The following EP300 variants were observed in gnomAD, a reference collection of about 807,000 sequenced individuals.
The protein encoded by EP300 is histone acetyltransferase p300.
Under a neutral mutation model 264.0 loss-of-function variants are expected in EP300, and 31 were observed. That is an observed-to-expected ratio of 0.12 (90% CI 0.09 to 0.16). The LOEUF (loss-of-function observed/expected upper bound fraction) is 0.16, where lower values mean the gene tolerates loss of function less well. Ranked by LOEUF, EP300 falls within the 10% of genes least tolerant of loss-of-function variation. EP300 has a pLI of 1.00. For missense variants in EP300, 2,766 were observed against 3,052.9 expected (o/e 0.91, Z 2.21); for synonymous variants, 1,340 against 1,045.4 (o/e 1.28, Z -5.44).
At chr22:41,149,699 A>G (rs150684594) in intron 13 of EP300, 62 bp from the exon 14 acceptor site, 250 of 1,518,890 alleles carry the variant, frequency 1.6e-4, no homozygotes, top group Non-Finnish European at 2.1e-4. Context: ...TATCATGCCT[A>G]TGTAAGTATT....
chr22:41,178,987 A>C lies in EP300; in HGVS notation c.*31A>C, dbSNP rs938259978. 1 of 1,611,452 alleles carries C rather than the reference A, an allele frequency of 6.2e-7. No homozygotes were observed. ...CCTTGTAGTATTTTGGGAGCAAAAA[A>C]ATTATTTTCTCTTAACAAGACTTTT... On this transcript the variant is annotated 3_prime_UTR_variant, in exon 31 of 31. Coordinates refer to ENST00000263253, the MANE Select transcript of EP300 (RefSeq NM_001429.4).
At chr22:41,145,054 A>G (rs2059003130) in intron 10 of EP300, among the ~76,000 whole-genome samples, 1 of 152,138 alleles carries the variant, frequency 6.6e-6, no homozygotes, top group Non-Finnish European at 1.5e-5. Flanking sequence ...AAACAGTTTT[A>G]CTTGGTATTA....
At position 41,168,444 on chromosome 22, in the gene EP300, C is replaced by T; in HGVS notation, c.3875-5C>T. 6.2e-7 allele frequency: 1 copy of T among 1,614,046 alleles called. No individual in the cohort carries two copies. Among genetic ancestry groups the T allele is most frequent in the Non-Finnish European group, 8.5e-7 (1 of 1,179,990 alleles). On this transcript the variant is annotated splice_polypyrimidine_tract_variant and splice_region_variant and intron_variant, in intron 23 of 30. Transcript: ENST00000263253. ...CTCAGTAACTTTTAACTTTTACATT[C>T]CTAGGGTTGCCATCTACCAGACTTG...
intron 1 of EP300, among the ~76,000 whole-genome samples, chr22:41,105,273 C>T (rs2058752653): frequency 6.8e-6 from 1 of 146,616 alleles, no homozygotes; most frequent in Non-Finnish European, 1.5e-5. Context: ...GAGGCTGAGG[C>T]AAGGGAATCT....
At chr22:41,129,232 C>G (rs1384046841) in intron 4 of EP300, among the ~76,000 whole-genome samples, 4 of 152,002 alleles carry the variant, frequency 2.6e-5, no homozygotes, top group Admixed American at 2.0e-4. Flanking sequence ...AGGATGGTCT[C>G]TATCTCCTGA....
chr22:41,097,525 AAG>A (rs1224684311), intron 1 of EP300, among the ~76,000 whole-genome samples: 2 of 152,230 alleles, frequency 1.3e-5, no homozygotes, highest in African/African-American at 2.4e-5. Flanking sequence ...GTAAATAGGA[AAG>A]AGAAAAAGAG....
At chr22:41,137,856 TG>T in intron 8 of EP300, 66 bp downstream of exon 8, 1 of 1,608,174 alleles carries the variant, frequency 6.2e-7, no homozygotes, top group Non-Finnish European at 8.5e-7. Context: ...TTCAATCTCC[TG>T]GGCATTTAAT....
intron 2 of EP300, among the ~76,000 whole-genome samples, chr22:41,120,809 C>T (rs1421005123): frequency 2.6e-5 from 4 of 152,192 alleles, no homozygotes; most frequent in Admixed American, 6.5e-5. Flanking sequence ...GCCTTGATCT[C>T]CCAGGCTTAC....
At chr22:41,160,910 T>C (rs745986611) in intron 20 of EP300, among the ~76,000 whole-genome samples, 188 bp downstream of exon 20, 11 of 152,258 alleles carry the variant, frequency 7.2e-5, no homozygotes, top group Non-Finnish European at 1.6e-4. Context: ...TTTCAACTGT[T>C]CAGTAGCTAT....
chr22:41,131,548 G>A lies in EP300; in HGVS notation c.1443G>A (p.Pro481=), dbSNP rs374768898. 9.3e-5 allele frequency: 150 copies of A among 1,613,970 alleles called. 4 individuals carry two copies. The East Asian group carries it at 1.3e-3, about 14-fold the overall frequency. Residue 481 remains proline (P), a synonymous_variant, in exon 6 of 31, where the codon CCG becomes CCA. Coordinates refer to ENST00000263253, the MANE Select transcript of EP300 (RefSeq NM_001429.4). ...TACCCTATCAAGTAAATCAGATGCC[G>A]ACACAACCCCAGGTGCAAGCAAAGA... The part of the protein sequence containing the change: ...LGLPYQVNQM[P]TQPQVQAKNQ...
chr22:41,151,329 G>C (rs2059043749), intron 14 of EP300, among the ~76,000 whole-genome samples: 1 of 152,108 alleles, frequency 6.6e-6, no homozygotes, highest in African/African-American at 2.4e-5. Flanking sequence ...CTCATTAAGA[G>C]ATTTCTTATG....
rs558456063 is a variant in EP300, at chr22:41,178,729, G to A, written c.7018G>A (p.Val2340Ile). ...GCAGCCTCAGCCTTCTCCACACCACGTTTCCCCACAGACAAGTTCCCCACA... is the reference window on the plus strand; with the variant it reads ...GCAGCCTCAGCCTTCTCCACACCACATTTCCCCACAGACAAGTTCCCCACA... The part of the protein sequence containing the change: ...RMQPQPSPHH[V>I]SPQTSSPHPG... Residue 2340 changes from valine to isoleucine, a missense_variant, in exon 31 of 31, where the codon GTT (valine) becomes ATT (isoleucine). Val to Ile is a conservative substitution (Grantham distance 29). Transcript: ENST00000263253. 1.1e-5 allele frequency: 18 copies of A among 1,613,960 alleles called. No individual in the cohort carries two copies. The African/African-American group carries it at 1.2e-4, about 11-fold the overall frequency.
In EP300 at chr22:41,104,296, G is replaced by T. The variant is rs569714203; in HGVS notation, c.94+11198G>T. Among the ~76,000 whole-genome samples the T allele has an allele frequency of 8.7e-4, 128 of 146,456 alleles. No homozygotes were observed. In the Middle Eastern group the frequency reaches 0.01, roughly 12 times the overall value. On this transcript the variant is annotated intron_variant, in intron 1 of 30. Transcript: ENST00000263253. ...GTGTCTTCATCATGTAGTTTTTTTG[G>T]TTTTTTTTTTTCATACAGAGTCTTG...
intron 27 of EP300, among the ~76,000 whole-genome samples, chr22:41,171,613 A>G (rs1453499259): frequency 6.6e-6 from 1 of 151,876 alleles, no homozygotes; most frequent in Non-Finnish European, 1.5e-5. Flanking sequence ...CTAGGATTAT[A>G]GGCATGAGCC....
At chr22:41,130,682 T>TG (rs1483753371) in intron 5 of EP300, among the ~76,000 whole-genome samples, 1 of 152,230 alleles carries the variant, frequency 6.6e-6, no homozygotes, top group African/African-American at 2.4e-5. Context: ...TAAAGACCGT[T>TG]GCTTTGGCAT....
At chr22:41,117,060 CAAAT>C (rs771940281) in intron 1 of EP300, 123 bp from the exon 2 acceptor site, 8 of 882,542 alleles carry the variant, frequency 9.1e-6, no homozygotes, top group Non-Finnish European at 1.4e-5. Flanking sequence ...GACCCTGTCT[CAAAT>C]AAATAGAAAA....
chr22:41,111,948 C>T (rs1230366212), intron 1 of EP300, among the ~76,000 whole-genome samples: 1 of 119,670 alleles, frequency 8.4e-6, no homozygotes, highest in African/African-American at 3.3e-5. Context: ...AGTGCAGTGG[C>T]GCGATGTCCA....
At chr22:41,093,216 T>C (rs890335117) in intron 1 of EP300, 118 bp downstream of exon 1, 4 of 1,045,796 alleles carry the variant, frequency 3.8e-6, no homozygotes, top group Non-Finnish European at 5.7e-6. Flanking sequence ...CTTAATTAAT[T>C]TTAAAGGTAT....
chr22:41,166,794 C>G (rs1222046524), intron 23 of EP300, 128 bp downstream of exon 23: 1 of 592,906 alleles, frequency 1.7e-6, no homozygotes, highest in East Asian at 2.9e-5. Context: ...TCTATAATCT[C>G]CTTATAGTTG....
Sources: gnomAD v4.1 joint callset for allele counts (sites outside exome capture counted in the v4.1 genomes callset) on GRCh38, gnomAD v4.1.1 for gene constraint, MANE v1.5 for transcripts, NCBI Gene and HGNC (gene_info 2026-07-23, HGNC 2026-07-21) for gene names.